The following PCID2 variants were observed in gnomAD, a reference collection of about 807,000 sequenced individuals.
The protein encoded by PCID2 is PCI domain containing 2, also known as PCI domain-containing protein 2.
A neutral mutation model predicts 61.3 loss-of-function variants in PCID2; 41 were observed. The observed-to-expected ratio is 0.67, with a 90% CI of 0.52 to 0.87. The LOEUF (loss-of-function observed/expected upper bound fraction) is 0.87, where lower values mean the gene tolerates loss of function less well. PCID2 is among the 40% of genes least tolerant of loss of function. The pLI is 0.00. For synonymous variants in PCID2, 187 were observed against 177.8 expected, an observed-to-expected ratio of 1.05 and a Z score of -0.41; for missense variants, 392 against 493.4, an observed-to-expected ratio of 0.79 and a Z score of 1.95.
At chr13:113,182,601 G>A (rs371878368) in intron 9 of PCID2, among the ~76,000 whole-genome samples, 110 of 152,248 alleles carry the variant, frequency 7.2e-4, no homozygotes, top group African/African-American at 2.5e-3. Flanking sequence ...CCGGGTTCAC[G>A]TCATTCTCCT....
chr13:113,176,494 G>C, downstream of PCID2, among the ~76,000 whole-genome samples: 1 of 152,420 alleles, frequency 6.6e-6, no homozygotes, highest in Non-Finnish European at 1.5e-5. Flanking sequence ...GGGTGTGGTG[G>C]CACATGCCTG....
At chr13:113,208,135 G>A in intron 1 of PCID2, 1 of 1,606,086 alleles carries the variant, frequency 6.2e-7, no homozygotes, top group East Asian at 2.2e-5. Flanking sequence ...CACGAGCCCG[G>A]CCTGCAGCAC....
chr13:113,200,718 G>C, intron 1 of PCID2: 1 of 240,432 alleles, frequency 4.2e-6, no homozygotes, highest in Non-Finnish European at 7.0e-6. Context: ...TTTTTTTTTT[G>C]AGACGGAGTC....
At chr13:113,165,293 T>C in the PCID2 span, 2 of 700,198 alleles carry the variant, frequency 2.9e-6, no homozygotes, top group Admixed American at 4.1e-5. Context: ...TAATGCCGAG[T>C]TCATAACTAA....
rs1388239180 is a variant in PCID2 at position 113,197,173 on chromosome 13, G to C, written c.266+5C>G. ...GGGACAGCTGCCATGAACGACAAAG[G>C]ATATTGGACTATCACGGTCTGGCAC... On this transcript the variant is annotated splice_donor_5th_base_variant and intron_variant, in intron 4 of 13. Coordinates refer to ENST00000337344, the MANE Select transcript of PCID2 (RefSeq NM_001127202.4). 1 of 1,614,166 alleles carries C rather than the reference G, an allele frequency of 6.2e-7. No homozygotes were observed. The highest frequency in any genetic ancestry group is 1.7e-5 in the Admixed American group (1 of 60,024).
intron 6 of PCID2, among the ~76,000 whole-genome samples, chr13:113,191,310 A>G (rs1198157603): frequency 6.6e-6 from 1 of 152,138 alleles, no homozygotes; most frequent in Non-Finnish European, 1.5e-5. Flanking sequence ...TTGGGATTAC[A>G]GGCATGAGCC....
At chr13:113,175,025 G>A (rs766693536), downstream of PCID2, among the ~76,000 whole-genome samples, 12 of 152,290 alleles carry the variant, frequency 7.9e-5, no homozygotes, top group Non-Finnish European at 1.2e-4. Flanking sequence ...CTGTTCTCGT[G>A]ACAGTGAGGG....
chr13:113,170,830 G>A, the PCID2 span, among the ~76,000 whole-genome samples: 1 of 151,944 alleles, frequency 6.6e-6, no homozygotes, highest in Non-Finnish European at 1.5e-5. Context: ...ATGGATAATT[G>A]GCTAAAAATC....
Position 113,208,258 on chromosome 13 carries a change from G to C in PCID2, c.36+341C>G, listed in dbSNP as rs1004678359. On this transcript the variant is annotated intron_variant, in intron 1 of 13. Transcript: ENST00000337344. ...ACAGCACCGCCCACAGCGGGCCCTC[G>C]GCGTGGCCCGCAGGCCCTTCGGACC... The C allele has an allele frequency of 7.6e-6, 11 of 1,446,342 alleles. No individual in the cohort carries two copies. The African/African-American group carries it at 1.4e-4, about 19-fold the overall frequency. 89.6% of individuals were successfully genotyped at this position (1,446,342 alleles called of 1,614,324 possible). A position where few individuals can be genotyped will look rare whatever the true frequency, so the allele number is the denominator to read the frequency against.
rs565481929 is a variant in PCID2, at chr13:113,208,021, T to C, written c.36+578A>G. 6 of 1,612,106 alleles carry C rather than the reference T, an allele frequency of 3.7e-6. No homozygotes were observed. The South Asian group carries it at 5.5e-5, about 15-fold the overall frequency. ...ATCTTTTAACTGTGCTTCTGCTACT[T>C]ACAAGCTGTTGAACAACATCTGTCA... is the stretch of plus-strand genomic sequence containing the variant. On this transcript the variant is annotated intron_variant, in intron 1 of 13. Coordinates refer to ENST00000337344, the MANE Select transcript of PCID2 (RefSeq NM_001127202.4).
At chr13:113,202,100 G>T (rs1341513970) in intron 1 of PCID2, among the ~76,000 whole-genome samples, 1 of 152,152 alleles carries the variant, frequency 6.6e-6, no homozygotes, top group South Asian at 2.1e-4. Context: ...ATTGGTGATG[G>T]GGTAACTTGG....
At chr13:113,172,325 C>T in the PCID2 span, 2 of 602,480 alleles carry the variant, frequency 3.3e-6, no homozygotes, top group East Asian at 2.9e-5. Context: ...CAATAGAGAC[C>T]TTAAAAGAAA....
chr13:113,191,606 T>G (rs79546648), intron 6 of PCID2, among the ~76,000 whole-genome samples: 2,515 of 152,266 alleles, frequency 0.017, 77 homozygotes, highest in African/African-American at 0.057. Context: ...ATAAAAACGT[T>G]TAACAAATAT....
At chr13:113,204,539 C>T (rs2039661786) in intron 1 of PCID2, among the ~76,000 whole-genome samples, 2 of 152,246 alleles carry the variant, frequency 1.3e-5, no homozygotes, top group South Asian at 2.1e-4. Context: ...AGGGTGATGT[C>T]GCCACATCCT....
chr13:113,194,411 G>A (rs531355486), intron 6 of PCID2, among the ~76,000 whole-genome samples: 4 of 152,212 alleles, frequency 2.6e-5, no homozygotes, highest in Admixed American at 6.5e-5. Flanking sequence ...CTCCCTACAC[G>A]TGACTCTGAG....
At chr13:113,171,830 C>T in the PCID2 span, 1 of 1,613,626 alleles carries the variant, frequency 6.2e-7, no homozygotes, top group Non-Finnish European at 8.5e-7. The surrounding 1 kb of genome is among the most constrained non-coding windows in gnomAD (Gnocchi z 5.1). Context: ...TGGCACTGAC[C>T]TGGGCAACTC....
At chr13:113,193,453 T>C (rs565057446) in intron 6 of PCID2, among the ~76,000 whole-genome samples, 3 of 152,184 alleles carry the variant, frequency 2.0e-5, no homozygotes, top group Non-Finnish European at 2.9e-5. Context: ...ACAGAGTAAG[T>C]GCAGAAGCAG....
At chr13:113,197,607 C>G (rs2039115122) in intron 3 of PCID2, among the ~76,000 whole-genome samples, 1 of 152,222 alleles carries the variant, frequency 6.6e-6, no homozygotes, top group Non-Finnish European at 1.5e-5. Context: ...GCACACTGCA[C>G]AGAGCTAGGA....
rs1332238668 is a variant in PCID2 at position 113,185,466 on chromosome 13, G to C, written c.543+19C>G. 1 of 1,571,746 alleles carries C rather than the reference G, an allele frequency of 6.4e-7. No individual in the cohort carries two copies. Among genetic ancestry groups the C allele is most frequent in the South Asian group, 1.1e-5 (1 of 90,174 alleles). ...AATCGAAAATTGTAAAGACAGAAAG[G>C]ATTCAAACAGAAGCACACCTTGAAG... On this transcript the variant is annotated intron_variant, in intron 8 of 13. Transcript: ENST00000337344.
Sources: allele counts gnomAD v4.1 joint callset (sites outside exome capture counted in the v4.1 genomes callset), GRCh38; gene constraint gnomAD v4.1.1; non-coding constraint Gnocchi (gnomAD v3.1); transcripts MANE v1.5; gene names NCBI Gene and HGNC (gene_info 2026-07-23, HGNC 2026-07-21).